TMEM132D: variants seen among roughly 807,000 people sequenced by gnomAD.
TMEM132D encodes transmembrane protein 132D.
In TMEM132D, 21 loss-of-function variants were observed where a neutral mutation model predicts 62.3. The ratio of observed to expected loss-of-function variants is 0.34; its 90% CI spans 0.24 to 0.49. The LOEUF (loss-of-function observed/expected upper bound fraction) is 0.49. Ranked by LOEUF, TMEM132D falls within the 20% of genes least tolerant of loss-of-function variation. The probability of loss-of-function intolerance (pLI) is 0.99; values close to 1 mark genes in which losing one functional copy is unlikely to be tolerated. For missense variants in TMEM132D, 1,346 were observed against 1,402.8 expected, an observed-to-expected ratio of 0.96 and a Z score of 0.65; for synonymous variants, 621 against 575.6, an observed-to-expected ratio of 1.08 and a Z score of -1.13.
At chr12:129,253,828 G>A (rs1166404682) in intron 4 of TMEM132D, among the ~76,000 whole-genome samples, 2 of 152,170 alleles carry the variant, frequency 1.3e-5, no homozygotes, top group African/African-American at 4.8e-5. Flanking sequence ...GCTCTGGTGA[G>A]TCCTTCCACG....
At chr12:129,516,033 G>C (rs146900151) in intron 3 of TMEM132D, among the ~76,000 whole-genome samples, 21 of 152,106 alleles carry the variant, frequency 1.4e-4, no homozygotes, top group African/African-American at 4.8e-4. Flanking sequence ...CAAGAACCAC[G>C]CAAGGTGCTT....
At chr12:129,851,306 A>C (rs1326879547) in intron 1 of TMEM132D, among the ~76,000 whole-genome samples, 2 of 152,204 alleles carry the variant, frequency 1.3e-5, no homozygotes, top group African/African-American at 4.8e-5. Flanking sequence ...TCACATTTAG[A>C]ATTTTAAAAT....
At chr12:129,158,733 A>G (rs1181991661) in intron 5 of TMEM132D, among the ~76,000 whole-genome samples, 3 of 152,236 alleles carry the variant, frequency 2.0e-5, no homozygotes, top group Non-Finnish European at 4.4e-5. Flanking sequence ...TCTTTCAAGA[A>G]GAGGCAGTGA....
chr12:129,501,255 G>C (rs1302703506), intron 3 of TMEM132D, among the ~76,000 whole-genome samples: 1 of 152,078 alleles, frequency 6.6e-6, no homozygotes, highest in Non-Finnish European at 1.5e-5. Context: ...AAAGGAGGCG[G>C]GAGAGAGAGA....
chr12:129,461,662 G>A (rs956957450), intron 3 of TMEM132D, among the ~76,000 whole-genome samples: 3 of 125,148 alleles, frequency 2.4e-5, no homozygotes, highest in African/African-American at 9.0e-5. Flanking sequence ...GGAAAGAGGA[G>A]AAAAGAGGAA....
At chr12:129,283,018 G>A (rs1453419491) in intron 4 of TMEM132D, among the ~76,000 whole-genome samples, 1 of 152,124 alleles carries the variant, frequency 6.6e-6, no homozygotes, top group South Asian at 2.1e-4. Flanking sequence ...TCTTCTCAGG[G>A]GCTCTACTTA....
intron 1 of TMEM132D, among the ~76,000 whole-genome samples, chr12:129,815,298 G>A (rs766308152): frequency 6.6e-6 from 1 of 152,172 alleles, no homozygotes; most frequent in Non-Finnish European, 1.5e-5. Context: ...AGTGAAAATA[G>A]CAGGTTTCAA....
intron 5 of TMEM132D, among the ~76,000 whole-genome samples, chr12:129,100,143 C>A (rs1875254427): frequency 6.6e-6 from 1 of 152,144 alleles, no homozygotes; most frequent in African/African-American, 2.4e-5. Flanking sequence ...CCGGTTCAAG[C>A]AATTCTCCTG....
At chr12:129,098,810 T>G (rs555727263) in intron 5 of TMEM132D, among the ~76,000 whole-genome samples, 1 of 152,260 alleles carries the variant, frequency 6.6e-6, no homozygotes, top group East Asian at 1.9e-4. Flanking sequence ...GAAACCAACA[T>G]CTCAAAATAT....
At chr12:129,717,313 T>C (rs764742438) in intron 1 of TMEM132D, among the ~76,000 whole-genome samples, 10 of 152,330 alleles carry the variant, frequency 6.6e-5, no homozygotes, top group Admixed American at 4.6e-4. Flanking sequence ...TCTTTCATAT[T>C]TGACACATGG....
At chr12:129,528,431 CAAAA>C (rs200147997) in intron 3 of TMEM132D, among the ~76,000 whole-genome samples, 5,360 of 133,170 alleles carry the variant, frequency 0.04, 110 homozygotes, top group Middle Eastern at 0.053. Context: ...ATGCACACAG[CAAAA>C]AAAAAAAAAA....
chr12:129,871,971 C>G (rs1230067510), intron 1 of TMEM132D, among the ~76,000 whole-genome samples: 1 of 152,208 alleles, frequency 6.6e-6, no homozygotes, highest in Non-Finnish European at 1.5e-5. Context: ...TGCAGGAAGG[C>G]CTGTGTGGGT....
intron 3 of TMEM132D, among the ~76,000 whole-genome samples, chr12:129,364,867 G>A (rs770643289): frequency 1.2e-4 from 18 of 152,186 alleles, no homozygotes; most frequent in Admixed American, 4.6e-4. Context: ...CACCTAGACT[G>A]GAGAGGGTAG....
At chr12:129,722,075 G>C (rs1166536669) in intron 1 of TMEM132D, among the ~76,000 whole-genome samples, 1 of 152,184 alleles carries the variant, frequency 6.6e-6, no homozygotes. Context: ...GTTGGAGGTG[G>C]AGTGCCCAAG....
At chr12:129,529,585 A>G (rs73155255) in intron 3 of TMEM132D, among the ~76,000 whole-genome samples, 18,288 of 152,332 alleles carry the variant, frequency 0.12, 1,516 homozygotes, top group Admixed American at 0.26. Context: ...CTACTAATAC[A>G]TAAAAAGAGA....
chr12:129,354,100 A>T (rs543644849), intron 3 of TMEM132D, among the ~76,000 whole-genome samples: 1 of 152,208 alleles, frequency 6.6e-6, no homozygotes, highest in South Asian at 2.1e-4. Flanking sequence ...TTTAGAAGAC[A>T]AGGGTCCAGC....
chr12:129,187,495 G>A (rs1878251242), intron 5 of TMEM132D, among the ~76,000 whole-genome samples: 2 of 152,146 alleles, frequency 1.3e-5, no homozygotes, highest in Admixed American at 1.3e-4. Context: ...ATGAAAGTCT[G>A]AAATATTATT....
At chr12:129,105,570 G>GA (rs71449389) in intron 5 of TMEM132D, among the ~76,000 whole-genome samples, 44,821 of 142,772 alleles carry the variant, frequency 0.31, 7,891 homozygotes, top group East Asian at 0.44. Flanking sequence ...AAAAAAAAAA[G>GA]AAAAAAACAA....
At chr12:129,081,608 G>A (rs1016152657) in intron 7 of TMEM132D, 151 bp downstream of exon 7, 4 of 1,206,204 alleles carry the variant, frequency 3.3e-6, no homozygotes, top group Non-Finnish European at 4.5e-6. Flanking sequence ...AAAATCGCTT[G>A]TATTGCTTAC....
Sources: gnomAD v4.1 joint callset for allele counts (sites outside exome capture counted in the v4.1 genomes callset) on GRCh38, gnomAD v4.1.1 for gene constraint, MANE v1.5 for transcripts, NCBI Gene and HGNC (gene_info 2026-07-23, HGNC 2026-07-21) for gene names.